The following CHLSN variants were observed in gnomAD, a reference collection of about 807,000 sequenced individuals.
CHLSN encodes the protein protein cholesin.
the CHLSN span, among the ~76,000 whole-genome samples, chr7:1,097,986 G>A: frequency 1.3e-5 from 2 of 152,342 alleles, no homozygotes; most frequent in South Asian, 4.1e-4. This position sits in a 1 kb window ranked among gnomAD's most constrained non-coding sequence, Gnocchi z 4.3. Context: ...CGACACAACA[G>A]GGATCCTAGA....
chr7:1,066,931 A>C, the CHLSN span, among the ~76,000 whole-genome samples: 2 of 106,736 alleles, frequency 1.9e-5, no homozygotes, highest in Middle Eastern at 6.9e-3. Flanking sequence ...CCCAGAGGTG[A>C]GGGTTTGGGG....
chr7:1,061,489 C>T, the CHLSN span, among the ~76,000 whole-genome samples: 1 of 152,142 alleles, frequency 6.6e-6, no homozygotes, highest in Non-Finnish European at 1.5e-5. Context: ...CCAAGGCCTC[C>T]GTCCTCATCC....
the CHLSN span, among the ~76,000 whole-genome samples, chr7:1,012,608 C>T: frequency 1.3e-5 from 2 of 152,260 alleles, no homozygotes; most frequent in Admixed American, 1.3e-4. Flanking sequence ...GCCACTGTGG[C>T]CACGAGGTGG....
the CHLSN span, among the ~76,000 whole-genome samples, chr7:1,070,997 CGTGCACACGCACAT>C: frequency 2.0e-5 from 3 of 151,582 alleles, no homozygotes; most frequent in Admixed American, 1.3e-4. Context: ...CACACACACA[CGTGCACACGCACAT>C]GCACACACAT....
At chr7:1,028,408 A>C in the CHLSN span, 2 of 986,614 alleles carry the variant, frequency 2.0e-6, no homozygotes, top group Non-Finnish European at 2.4e-6. Flanking sequence ...AACCAGATCC[A>C]GCCGGCTGGA....
chr7:1,138,080 C>T, the CHLSN span: 1 of 150,252 alleles, frequency 6.7e-6, no homozygotes, highest in Non-Finnish European at 1.5e-5. Context: ...CGCCGGGCCT[C>T]CGCGCACCCA....
At chr7:1,065,535 T>C in the CHLSN span, among the ~76,000 whole-genome samples, 1 of 152,096 alleles carries the variant, frequency 6.6e-6, no homozygotes, top group African/African-American at 2.4e-5. Flanking sequence ...TCACAAAACA[T>C]GCAGCTGCGG....
At chr7:1,102,463 C>T in the CHLSN span, among the ~76,000 whole-genome samples, 3 of 152,260 alleles carry the variant, frequency 2.0e-5, no homozygotes, top group Admixed American at 1.3e-4. Flanking sequence ...GCTCCGGCCA[C>T]GCTGGCGTTC....
the CHLSN span, chr7:1,077,635 T>C: frequency 1.3e-5 from 2 of 152,342 alleles, no homozygotes; most frequent in African/African-American, 4.8e-5. Context: ...AGTACTAAGC[T>C]GGCTGCCTCC....
At chr7:1,042,235 G>A in the CHLSN span, among the ~76,000 whole-genome samples, 3 of 152,034 alleles carry the variant, frequency 2.0e-5, no homozygotes, top group South Asian at 2.1e-4. Context: ...CAGCAGCCAC[G>A]GCACACAGCC....
the CHLSN span, among the ~76,000 whole-genome samples, chr7:1,047,734 G>A: frequency 6.6e-6 from 1 of 152,210 alleles, no homozygotes; most frequent in African/African-American, 2.4e-5. Flanking sequence ...AGTGCCTGGG[G>A]CCTCGCAGTT....
At chr7:1,091,832 A>G in the CHLSN span, 1 of 1,604,304 alleles carries the variant, frequency 6.2e-7, no homozygotes, top group African/African-American at 1.3e-5. Flanking sequence ...AACCTGTCCC[A>G]CCCGCTCCTG....
chr7:1,070,165 TGAG>T, the CHLSN span, among the ~76,000 whole-genome samples: 1 of 99,706 alleles, frequency 1.0e-5, no homozygotes, highest in Non-Finnish European at 2.1e-5. Context: ...CTGCCCCGTC[TGAG>T]AAGTGAGGAG....
the CHLSN span, chr7:1,092,501 T>G: frequency 3.7e-6 from 6 of 1,607,692 alleles, no homozygotes; most frequent in Non-Finnish European, 5.1e-6. Flanking sequence ...CAGAAGGCGC[T>G]CCGCATGATC....
the CHLSN span, among the ~76,000 whole-genome samples, chr7:1,086,462 T>G: frequency 6.6e-6 from 1 of 152,222 alleles, no homozygotes; most frequent in Non-Finnish European, 1.5e-5. Flanking sequence ...TTTCTACTGC[T>G]GGAAGAAAAC....
chr7:1,123,852 C>A, the CHLSN span, among the ~76,000 whole-genome samples: 1 of 152,072 alleles, frequency 6.6e-6, no homozygotes, highest in African/African-American at 2.4e-5. The surrounding 1 kb of genome is among the most constrained non-coding windows in gnomAD (Gnocchi z 4.4). Context: ...GTGCTGCCGA[C>A]CCCTGCTGGT....
At chr7:1,133,751 C>CAA in the CHLSN span, among the ~76,000 whole-genome samples, 26,566 of 114,226 alleles carry the variant, frequency 0.23, 2,788 homozygotes, top group Middle Eastern at 0.38. Flanking sequence ...GACTCCATCT[C>CAA]AAAAAAAAAA....
the CHLSN span, among the ~76,000 whole-genome samples, chr7:1,001,526 C>A: frequency 8.4e-6 from 1 of 119,204 alleles, no homozygotes; most frequent in Non-Finnish European, 1.7e-5. Flanking sequence ...TGAGTGGAAT[C>A]CTGTGGGTGG....
At chr7:1,092,779 T>C in the CHLSN span, 1 of 1,613,640 alleles carries the variant, frequency 6.2e-7, no homozygotes, top group Admixed American at 1.7e-5. Context: ...CCTGAACCGC[T>C]TCTGTCACGC....
Sources: gnomAD v4.1 joint callset for allele counts (sites outside exome capture counted in the v4.1 genomes callset) on GRCh38, gnomAD v4.1.1 for gene constraint, Gnocchi (gnomAD v3.1) non-coding constraint, MANE v1.5 for transcripts, NCBI Gene and HGNC (gene_info 2026-07-23, HGNC 2026-07-21) for gene names.